The following TEAD1 variants were observed in gnomAD, a reference collection of about 807,000 sequenced individuals.
TEAD1 encodes the protein TEA domain transcription factor 1.
A neutral mutation model predicts 54.9 loss-of-function variants in TEAD1; 9 were observed. That is an observed-to-expected ratio of 0.16 (90% CI 0.10 to 0.29). The LOEUF is 0.29. TEAD1 is among the 10% of genes least tolerant of loss of function. TEAD1 has a pLI of 1.00. For missense variants in TEAD1, 387 were observed against 535.9 expected (o/e 0.72, Z 2.74); for synonymous variants, 200 against 187.8 (o/e 1.07, Z -0.53).
chr11:12,905,702 T>C (rs187081032), intron 10 of TEAD1, among the ~76,000 whole-genome samples: 2 of 152,370 alleles, frequency 1.3e-5, no homozygotes, highest in Non-Finnish European at 2.9e-5. Context: ...GATGTGCTTA[T>C]TTTTGTTACA....
intron 5 of TEAD1, among the ~76,000 whole-genome samples, chr11:12,870,392 C>G (rs905109832): frequency 6.6e-6 from 1 of 151,640 alleles, no homozygotes; most frequent in African/African-American, 2.4e-5. Context: ...AGACAGTGAA[C>G]CAGGAGCAGA....
At position 12,764,926 on chromosome 11, in the gene TEAD1, C is replaced by CT. The variant is rs199521412; in HGVS notation, c.202+504dup. Among the ~76,000 whole-genome samples, 5,574 of 143,070 alleles carry CT rather than the reference C, an allele frequency of 0.039. 591 individuals are homozygous for CT. The East Asian group carries it at 0.42, about 11-fold the overall frequency. 93.9% of individuals were successfully genotyped at this position (143,070 alleles called of 152,430 possible). ...ATCTACTCTTTTTAAAAAGCCAGCA[C>CT]TTTTTTTTTTTTAAAACAACTCTGT... On this transcript the variant is annotated intron_variant, in intron 3 of 12. Coordinates refer to ENST00000527636, the MANE Select transcript of TEAD1 (RefSeq NM_021961.6).
At chr11:12,881,089 C>A in intron 7 of TEAD1, 38 bp downstream of exon 7, 2 of 1,611,186 alleles carry the variant, frequency 1.2e-6, no homozygotes, top group Non-Finnish European at 1.7e-6. Flanking sequence ...CAACTACGGG[C>A]TGGTCCCAGC....
chr11:12,854,901 T>C (rs1040235597), intron 3 of TEAD1, among the ~76,000 whole-genome samples: 8 of 151,934 alleles, frequency 5.3e-5, no homozygotes, highest in Non-Finnish European at 8.8e-5. Flanking sequence ...CAGCTTGAGA[T>C]GGCATCTTTT....
At chr11:12,847,359 G>C (rs1311992778) in intron 3 of TEAD1, among the ~76,000 whole-genome samples, 1 of 152,124 alleles carries the variant, frequency 6.6e-6, no homozygotes, top group Non-Finnish European at 1.5e-5. Flanking sequence ...TAGCAAGCTT[G>C]TGCTAGCAGT....
intron 12 of TEAD1, among the ~76,000 whole-genome samples, chr11:12,930,776 A>G (rs1332154277): frequency 6.6e-6 from 1 of 152,206 alleles, no homozygotes; most frequent in African/African-American, 2.4e-5. Flanking sequence ...TATGCAAATC[A>G]GGCAAAAGCT....
intron 3 of TEAD1, among the ~76,000 whole-genome samples, chr11:12,768,415 T>C (rs763410443): frequency 1.4e-4 from 21 of 152,188 alleles, no homozygotes; most frequent in Admixed American, 2.0e-4. Flanking sequence ...AACAAAGAAG[T>C]GCTCTCTGCC....
At chr11:12,760,497 A>C (rs986708865) in intron 2 of TEAD1, among the ~76,000 whole-genome samples, 2 of 152,116 alleles carry the variant, frequency 1.3e-5, no homozygotes, top group Non-Finnish European at 2.9e-5. Context: ...CTCTTGCCCC[A>C]GTACTGTGTT....
At chr11:12,826,477 A>T (rs970701541) in intron 3 of TEAD1, among the ~76,000 whole-genome samples, 1 of 152,232 alleles carries the variant, frequency 6.6e-6, no homozygotes, top group Non-Finnish European at 1.5e-5. Context: ...AGTGTGACTA[A>T]GTAATTTTCC....
At chr11:12,929,206 T>G (rs1948966437) in intron 11 of TEAD1, among the ~76,000 whole-genome samples, 7 of 10,876 alleles carry the variant, frequency 6.4e-4, no homozygotes, top group East Asian at 8.6e-3. Context: ...GTGTGTCTGC[T>G]TTAGGGTTAT....
At chr11:12,862,183 C>T (rs1947520105) in intron 3 of TEAD1, 67 bp from the exon 4 acceptor site, 3 of 1,338,112 alleles carry the variant, frequency 2.2e-6, no homozygotes, top group African/African-American at 1.5e-5. Flanking sequence ...TTGTTTTTTG[C>T]TTTCAAGGGC....
At chr11:12,766,716 T>G (rs1424765305) in intron 3 of TEAD1, among the ~76,000 whole-genome samples, 1 of 152,246 alleles carries the variant, frequency 6.6e-6, no homozygotes. Flanking sequence ...TCTTTTCTCC[T>G]TAACTCAGCA....
chr11:12,752,176 A>G (rs1944884762), intron 2 of TEAD1, among the ~76,000 whole-genome samples: 1 of 151,100 alleles, frequency 6.6e-6, no homozygotes, highest in South Asian at 2.1e-4. Flanking sequence ...ATCTTTCTCT[A>G]AGGTAACTGG....
chr11:12,680,338 C>G (rs989830910), intron 2 of TEAD1, among the ~76,000 whole-genome samples: 4 of 152,256 alleles, frequency 2.6e-5, no homozygotes, highest in Non-Finnish European at 5.9e-5. Flanking sequence ...GGCCTTCCGA[C>G]TTTCGTCCAG....
intron 2 of TEAD1, among the ~76,000 whole-genome samples, chr11:12,744,291 A>G (rs1214109843): frequency 1.3e-5 from 2 of 152,188 alleles, no homozygotes; most frequent in Non-Finnish European, 2.9e-5. Context: ...CTTTGACTGT[A>G]GGCTAGGAAT....
chr11:12,863,099 T>G (rs1947540472), intron 4 of TEAD1, among the ~76,000 whole-genome samples: 1 of 152,170 alleles, frequency 6.6e-6, no homozygotes, highest in South Asian at 2.1e-4. Flanking sequence ...TGTCGATTTA[T>G]GCTGAATGAT....
intron 5 of TEAD1, chr11:12,878,868 ATTGT>A (rs764305733): frequency 7.8e-7 from 1 of 1,275,614 alleles, no homozygotes; most frequent in South Asian, 1.3e-5. Flanking sequence ...CTTTTAACAA[ATTGT>A]TTATTATTGT....
chr11:12,813,247 G>A (rs1946343801), intron 3 of TEAD1, among the ~76,000 whole-genome samples: 2 of 152,204 alleles, frequency 1.3e-5, no homozygotes, highest in South Asian at 4.1e-4. Flanking sequence ...AATTGGAGGT[G>A]GAAGGATGCC....
At chr11:12,806,163 A>G (rs1033279541) in intron 3 of TEAD1, among the ~76,000 whole-genome samples, 1 of 152,132 alleles carries the variant, frequency 6.6e-6, no homozygotes, top group African/African-American at 2.4e-5. Context: ...ACTTTGACAA[A>G]TTTACTTTAA....
Sources: gnomAD v4.1 joint callset for allele counts (sites outside exome capture counted in the v4.1 genomes callset) on GRCh38, gnomAD v4.1.1 for gene constraint, MANE v1.5 for transcripts, NCBI Gene and HGNC (gene_info 2026-07-23, HGNC 2026-07-21) for gene names.